ARHGAP22: variants seen among roughly 807,000 people sequenced by gnomAD.
ARHGAP22 encodes Rho GTPase activating protein 22.
Under a neutral mutation model 59.1 loss-of-function variants are expected in ARHGAP22, and 48 were observed. The ratio of observed to expected loss-of-function variants is 0.81; its 90% CI spans 0.64 to 1.03. ARHGAP22 has a LOEUF of 1.03. Among genes scored for constraint, ARHGAP22 ranks in the 50% least tolerant of loss-of-function variants. ARHGAP22 has a pLI of 0.00. For missense variants in ARHGAP22, 1,015 were observed against 958.7 expected (o/e 1.06, Z -0.78); for synonymous variants, 445 against 416.4 (o/e 1.07, Z -0.84).
intron 3 of ARHGAP22, 136 bp downstream of exon 3, chr10:48,555,327 C>T: frequency 1.3e-6 from 1 of 767,708 alleles, no homozygotes; most frequent in Non-Finnish European, 2.1e-6. Context: ...TCGATTTGGC[C>T]CACATTTCCG....
rs779852953 is a variant in ARHGAP22, at chr10:48,604,761, AC to A, written c.34+1del. The A allele has an allele frequency of 3.9e-5, 63 of 1,613,966 alleles. No homozygotes were observed. The highest frequency in any genetic ancestry group is 5.3e-5 in the Non-Finnish European group (63 of 1,179,982). On this transcript the variant is annotated splice_donor_variant, in intron 1 of 9. Transcript: ENST00000249601. LOFTEE classifies it high-confidence loss of function. ...AGAGAAACCCCAGAAAGTTGGACTT[AC>A]CCCTCCTGGCCTGCCTGATCTTTGG...
Position 48,604,758 on chromosome 10 carries a change from C to G in ARHGAP22, c.34+5G>C, listed in dbSNP as rs773540660. 4.3e-6 allele frequency: 7 copies of G among 1,614,132 alleles called. No individual in the cohort carries two copies. The Admixed American group carries it at 1.2e-4, about 27-fold the overall frequency. On this transcript the variant is annotated splice_donor_5th_base_variant and intron_variant, in intron 1 of 9. Transcript: ENST00000249601. Reference sequence around the variant, plus strand: ...CCCAGAGAAACCCCAGAAAGTTGGACTTACCCCTCCTGGCCTGCCTGATCT... The same window carrying G: ...CCCAGAGAAACCCCAGAAAGTTGGAGTTACCCCTCCTGGCCTGCCTGATCT...
intron 1 of ARHGAP22, among the ~76,000 whole-genome samples, chr10:48,590,338 G>A (rs962910641): frequency 4.6e-5 from 7 of 152,062 alleles, no homozygotes; most frequent in Non-Finnish European, 1.0e-4. Context: ...AGTCAAGAGG[G>A]AGCTTCCTGG....
chr10:48,482,432 G>A (rs1255036830), intron 3 of ARHGAP22, among the ~76,000 whole-genome samples: 2 of 152,170 alleles, frequency 1.3e-5, no homozygotes, highest in African/African-American at 4.8e-5. Flanking sequence ...CTTTCCAGCT[G>A]GGAATCGTTT....
At chr10:48,566,239 G>A (rs2058040701) in intron 2 of ARHGAP22, among the ~76,000 whole-genome samples, 1 of 152,152 alleles carries the variant, frequency 6.6e-6, no homozygotes. Flanking sequence ...ATCGCTCAGG[G>A]TTCCCTATCT....
At chr10:48,593,112 C>A (rs1444958995) in intron 1 of ARHGAP22, among the ~76,000 whole-genome samples, 1 of 152,218 alleles carries the variant, frequency 6.6e-6, no homozygotes, top group African/African-American at 2.4e-5. Context: ...ATGCCCTCTG[C>A]TCTCTGGGCC....
At chr10:48,526,694 G>A (rs1439880522) in intron 3 of ARHGAP22, among the ~76,000 whole-genome samples, 10 of 152,314 alleles carry the variant, frequency 6.6e-5, no homozygotes, top group African/African-American at 1.9e-4. Flanking sequence ...ACATCACAGC[G>A]GCCATTGTGG....
chr10:48,510,226 C>A (rs2052615067), intron 3 of ARHGAP22, among the ~76,000 whole-genome samples: 1 of 152,102 alleles, frequency 6.6e-6, no homozygotes, highest in Non-Finnish European at 1.5e-5. Context: ...TGAGCATGCT[C>A]CCCCCATAAA....
At chr10:48,439,812 A>G in the ARHGAP22 span, among the ~76,000 whole-genome samples, 147,989 of 152,306 alleles carry the variant, frequency 0.97, 72,060 homozygotes, top group East Asian at 1. Context: ...CTTCCCAGCC[A>G]CTGTAATGAC....
chr10:48,509,068 C>T (rs2052472430), intron 3 of ARHGAP22, among the ~76,000 whole-genome samples: 1 of 152,232 alleles, frequency 6.6e-6, no homozygotes, highest in Admixed American at 6.5e-5. Context: ...TCCTGGGTTC[C>T]CCCTGTTATT....
the ARHGAP22 span, among the ~76,000 whole-genome samples, chr10:48,434,095 C>T: frequency 2.2e-4 from 33 of 152,286 alleles, no homozygotes; most frequent in African/African-American, 7.2e-4. Context: ...ATTTCTGTCT[C>T]GAGCTCAGGT....
intron 3 of ARHGAP22, among the ~76,000 whole-genome samples, chr10:48,503,265 C>T (rs188293569): frequency 1.6e-3 from 244 of 152,220 alleles, no homozygotes; most frequent in African/African-American, 5.4e-3. Context: ...GTTGTGGGGA[C>T]GAATGGTGGC....
intron 1 of ARHGAP22, among the ~76,000 whole-genome samples, chr10:48,637,161 C>T (rs1178945344): frequency 6.6e-6 from 1 of 152,272 alleles, no homozygotes; most frequent in South Asian, 2.1e-4. Context: ...AGTTTACTGC[C>T]CTGGGCATCC....
At chr10:48,572,608 C>A (rs575813481) in intron 2 of ARHGAP22, among the ~76,000 whole-genome samples, 3 of 152,234 alleles carry the variant, frequency 2.0e-5, no homozygotes, top group South Asian at 2.1e-4. Context: ...TGAGTCAGGA[C>A]CCTCTTTGTG....
intron 2 of ARHGAP22, chr10:48,582,688 G>A: frequency 1.9e-6 from 1 of 522,658 alleles, no homozygotes; most frequent in Non-Finnish European, 3.4e-6. Context: ...GGAAGACGTT[G>A]TTTTCTTAAG....
chr10:48,450,555 G>A lies in ARHGAP22; in HGVS notation c.1574C>T (p.Ser525Leu), dbSNP rs1169089343. 1 of 1,524,466 alleles carries A rather than the reference G, an allele frequency of 6.6e-7. No homozygotes were observed. Among genetic ancestry groups the A allele is most frequent in the Non-Finnish European group, 8.8e-7 (1 of 1,136,444 alleles). The allele number at this position is 1,524,466 out of a possible 1,614,324, so 94.4% of individuals were successfully genotyped here. The change falls in exon 9 of 10, where the codon TCA becomes TTA. Residue 525 changes from serine (S) to leucine (L), a missense_variant. Physicochemically the swap from Ser to Leu is moderately radical, Grantham distance 145 (BLOSUM62 -2). Coordinates refer to ENST00000249601, the MANE Select transcript of ARHGAP22 (RefSeq NM_021226.4). ...ASSSESSVGG[S>L]LSSCTACRAS... ...GCGGCAGGCCGTGCAGCTGCTGAGT[G>A]AGCCCCCCACCGACGACTCGCTGGA... is the stretch of plus-strand genomic sequence containing the variant.
chr10:48,643,511 C>A (rs1221770932), intron 1 of ARHGAP22, among the ~76,000 whole-genome samples: 7 of 151,432 alleles, frequency 4.6e-5, no homozygotes, highest in Non-Finnish European at 8.8e-5. Context: ...GCACAAAAAA[C>A]CAAACATCGC....
intron 3 of ARHGAP22, among the ~76,000 whole-genome samples, chr10:48,497,026 G>C (rs1037064138): frequency 6.6e-6 from 1 of 152,002 alleles, no homozygotes; most frequent in Non-Finnish European, 1.5e-5. Context: ...CACTGCACTG[G>C]GCCCTGGACC....
intron 4 of ARHGAP22, among the ~76,000 whole-genome samples, chr10:48,477,633 G>A (rs2048874194): frequency 1.3e-5 from 2 of 152,192 alleles, no homozygotes; most frequent in African/African-American, 2.4e-5. Context: ...TCCTCATCAC[G>A]ACTTGAAACT....
Sources: gnomAD v4.1 joint callset for allele counts (sites outside exome capture counted in the v4.1 genomes callset) on GRCh38, gnomAD v4.1.1 for gene constraint, MANE v1.5 for transcripts, NCBI Gene and HGNC (gene_info 2026-07-23, HGNC 2026-07-21) for gene names.